MOSMO: variants seen among roughly 807,000 people sequenced by gnomAD.
MOSMO encodes the protein modulator of smoothened protein.
In MOSMO, 5 loss-of-function variants were observed where a neutral mutation model predicts 18.4. That is an observed-to-expected ratio of 0.27 (90% CI 0.14 to 0.57). MOSMO has a LOEUF of 0.57. Ranked by LOEUF, MOSMO falls within the 20% of genes least tolerant of loss-of-function variation. The pLI is 0.92. For missense variants in MOSMO, 138 were observed against 211.8 expected, an observed-to-expected ratio of 0.65 and a Z score of 2.16; for synonymous variants, 82 against 82.3, an observed-to-expected ratio of 1.00 and a Z score of 0.02.
intron 1 of MOSMO, among the ~76,000 whole-genome samples, chr16:22,058,621 A>C (rs745485136): frequency 6.6e-6 from 1 of 152,086 alleles, no homozygotes; most frequent in South Asian, 2.1e-4. Context: ...GTGGGAACCT[A>C]TGGGGGAAAG....
chr16:22,039,407 G>A (rs752075654), intron 1 of MOSMO, among the ~76,000 whole-genome samples: 2 of 152,174 alleles, frequency 1.3e-5, no homozygotes, highest in African/African-American at 4.8e-5. Flanking sequence ...CAAGCTCTAC[G>A]CCTGATACAG....
At chr16:22,020,168 G>C (rs1430974429) in intron 1 of MOSMO, among the ~76,000 whole-genome samples, 1 of 148,034 alleles carries the variant, frequency 6.8e-6, no homozygotes, top group African/African-American at 2.5e-5. Flanking sequence ...AGCCAAGATC[G>C]TGTCATTGCA....
intron 1 of MOSMO, among the ~76,000 whole-genome samples, chr16:22,050,794 G>A (rs1598013476): frequency 6.6e-6 from 1 of 151,462 alleles, no homozygotes; most frequent in African/African-American, 2.4e-5. Flanking sequence ...CTACTTGGGA[G>A]GATGAGGTAG....
At position 22,075,534 on chromosome 16, in the gene MOSMO, C is replaced by T; in HGVS notation, c.154C>T (p.Arg52Ter). 2.0e-6 allele frequency: 3 copies of T among 1,537,314 alleles called. No homozygotes were observed. Among genetic ancestry groups the T allele is most frequent in the Non-Finnish European group, 8.7e-7 (1 of 1,146,928 alleles). Residue 52 changes from arginine (R) to a stop codon, truncating the protein, a stop_gained, in exon 2 of 3, where the codon CGA becomes TGA. Coordinates refer to ENST00000542527, the MANE Select transcript of MOSMO (RefSeq NM_001164579.2). LOFTEE classifies it high-confidence loss of function. The stretch of plus-strand genomic sequence containing the variant: ...GCGACAGTGTCAAACAATCCATGGA[C>T]GAGACCGGACGTGCATCCCTCCCCG... Reference protein sequence around the residue: ...LVRQCQTIHGRDRTCIPPRLP... With the variant: ...LVRQCQTIHG
chr16:22,032,661 C>G (rs936939814), intron 1 of MOSMO, among the ~76,000 whole-genome samples: 4 of 152,150 alleles, frequency 2.6e-5, no homozygotes, highest in Middle Eastern at 3.2e-3. Context: ...ATCCTGCTAC[C>G]TCAGCCTCCC....
At position 22,082,939 on chromosome 16, in the gene MOSMO, G is replaced by A. The variant is rs138732856; in HGVS notation, c.*2059G>A. On this transcript the variant is annotated 3_prime_UTR_variant, in exon 3 of 3. Transcript: ENST00000542527. The stretch of plus-strand genomic sequence containing the variant: ...TATGATGATGTCTAGTCAAGTCTAA[G>A]AATACCACTGGACATGTTCTATGGA... 1 of 152,264 alleles carries A rather than the reference G, an allele frequency of 6.6e-6. No homozygotes were observed. The highest frequency in any genetic ancestry group is 1.5e-5 in the Non-Finnish European group (1 of 68,004). 9.4% of individuals were successfully genotyped at this position (152,264 alleles called of 1,614,324 possible). A position where few individuals can be genotyped will look rare whatever the true frequency, so the allele number is the denominator to read the frequency against.
At chr16:22,056,056 T>TA (rs964389028) in intron 1 of MOSMO, among the ~76,000 whole-genome samples, 5 of 152,118 alleles carry the variant, frequency 3.3e-5, no homozygotes, top group African/African-American at 1.2e-4. Flanking sequence ...CCAGTAAACC[T>TA]AAAGGGACTA....
chr16:22,057,098 T>G, intron 1 of MOSMO, among the ~76,000 whole-genome samples: 1 of 152,178 alleles, frequency 6.6e-6, no homozygotes, highest in East Asian at 1.9e-4. Flanking sequence ...ATTCTCTAAC[T>G]TAGTATTTTA....
intron 1 of MOSMO, among the ~76,000 whole-genome samples, chr16:22,064,170 ATTGC>A (rs1191022601): frequency 1.3e-5 from 2 of 152,172 alleles, no homozygotes; most frequent in Non-Finnish European, 2.9e-5. Context: ...TTGTCTGCTC[ATTGC>A]TTGCTTGTTT....
intron 1 of MOSMO, among the ~76,000 whole-genome samples, chr16:22,045,198 A>AG (rs1251390885): frequency 6.6e-6 from 1 of 151,644 alleles, no homozygotes; most frequent in African/African-American, 2.4e-5. Flanking sequence ...AAAAAAAAAA[A>AG]GGCAATAATG....
intron 1 of MOSMO, among the ~76,000 whole-genome samples, chr16:22,044,318 A>G (rs1900266355): frequency 6.6e-6 from 1 of 152,238 alleles, no homozygotes; most frequent in South Asian, 2.1e-4. Context: ...CATTGTTGGC[A>G]CAACCTGTCA....
intron 1 of MOSMO, among the ~76,000 whole-genome samples, chr16:22,031,056 A>G (rs1899983947): frequency 6.6e-6 from 1 of 152,236 alleles, no homozygotes; most frequent in Non-Finnish European, 1.5e-5. Flanking sequence ...TTGCAGTTGA[A>G]GCATATTAGA....
chr16:22,077,693 C>G (rs761836274), intron 2 of MOSMO, among the ~76,000 whole-genome samples: 3 of 152,028 alleles, frequency 2.0e-5, no homozygotes, highest in Non-Finnish European at 2.9e-5. Flanking sequence ...TAGAGCTCCC[C>G]CATATCCCGT....
chr16:22,022,085 A>G (rs961566524), intron 1 of MOSMO, among the ~76,000 whole-genome samples: 3 of 152,148 alleles, frequency 2.0e-5, no homozygotes, highest in African/African-American at 7.2e-5. Flanking sequence ...GAACATAAAC[A>G]TTGCAGTTGA....
At chr16:22,086,127 A>G (rs1247380277), downstream of MOSMO, 1 of 152,186 alleles carries the variant, frequency 6.6e-6, no homozygotes, top group Non-Finnish European at 1.5e-5. Flanking sequence ...TTCTCTAGCC[A>G]TTGAACCAGT....
intron 1 of MOSMO, among the ~76,000 whole-genome samples, chr16:22,049,389 T>C (rs975172040): frequency 5.3e-5 from 8 of 152,182 alleles, no homozygotes; most frequent in African/African-American, 1.4e-4. Flanking sequence ...AATCCTTTTA[T>C]AGAAATAGGG....
At chr16:22,031,488 C>T (rs1899992901) in intron 1 of MOSMO, among the ~76,000 whole-genome samples, 1 of 152,112 alleles carries the variant, frequency 6.6e-6, no homozygotes, top group African/African-American at 2.4e-5. Flanking sequence ...TTTTTGTCAC[C>T]TCAAAAAGAA....
intron 1 of MOSMO, among the ~76,000 whole-genome samples, chr16:22,009,976 G>A (rs1784864073): frequency 6.6e-6 from 1 of 152,010 alleles, no homozygotes; most frequent in Non-Finnish European, 1.5e-5. Flanking sequence ...GGGCGACAGA[G>A]CGAGACTCTG....
chr16:22,060,700 C>T (rs1900625653), intron 1 of MOSMO, among the ~76,000 whole-genome samples: 1 of 152,042 alleles, frequency 6.6e-6, no homozygotes, highest in Non-Finnish European at 1.5e-5. Context: ...TGGTGATACT[C>T]CATCTCTACT....
Sources: allele counts gnomAD v4.1 joint callset (sites outside exome capture counted in the v4.1 genomes callset), GRCh38; gene constraint gnomAD v4.1.1; transcripts MANE v1.5; gene names NCBI Gene and HGNC (gene_info 2026-07-23, HGNC 2026-07-21).